SYT16: variants seen among roughly 807,000 people sequenced by gnomAD.
SYT16 encodes the protein synaptotagmin 16.
A neutral mutation model predicts 61.4 loss-of-function variants in SYT16; 42 were observed. The observed-to-expected ratio is 0.68, with a 90% CI of 0.53 to 0.89. The LOEUF (loss-of-function observed/expected upper bound fraction) is 0.89. SYT16 is among the 40% of genes least tolerant of loss of function. The probability of loss-of-function intolerance (pLI) is 0.00; values close to 1 mark genes in which losing one functional copy is unlikely to be tolerated. For missense variants in SYT16, 804 were observed against 807.3 expected (o/e 1.00, Z 0.05); for synonymous variants, 314 against 302.3 (o/e 1.04, Z -0.40).
intron 6 of SYT16, among the ~76,000 whole-genome samples, chr14:62,082,421 C>G (rs1193597741): frequency 6.6e-6 from 1 of 152,140 alleles, no homozygotes; most frequent in African/African-American, 2.4e-5. Flanking sequence ...TTGCTGGGGT[C>G]AAAAATCTCA....
intron 3 of SYT16, among the ~76,000 whole-genome samples, chr14:62,007,020 A>G (rs756895921): frequency 2.6e-5 from 4 of 152,204 alleles, no homozygotes; most frequent in Admixed American, 1.3e-4. Context: ...TTACTCTGCT[A>G]TGCTAATGTA....
chr14:61,960,797 T>C (rs1040881668), intron 1 of SYT16, among the ~76,000 whole-genome samples: 1 of 152,156 alleles, frequency 6.6e-6, no homozygotes, highest in Non-Finnish European at 1.5e-5. Flanking sequence ...GGGGAATGCT[T>C]CCAGGTTTTG....
At chr14:61,947,266 TCGTGTG>T (rs1365718954) in intron 1 of SYT16, among the ~76,000 whole-genome samples, 1 of 52,460 alleles carries the variant, frequency 1.9e-5, no homozygotes, top group Admixed American at 2.2e-4. Flanking sequence ...CTTTAGTCCT[TCGTGTG>T]TGTGTGTGTG....
chr14:61,981,509 A>G (rs1278702237), intron 2 of SYT16, among the ~76,000 whole-genome samples: 3 of 152,220 alleles, frequency 2.0e-5, no homozygotes, highest in Non-Finnish European at 2.9e-5. Context: ...CCATATATCT[A>G]TCACACAGCT....
intron 1 of SYT16, among the ~76,000 whole-genome samples, chr14:61,921,336 C>T (rs1374548806): frequency 2.6e-5 from 4 of 152,166 alleles, no homozygotes; most frequent in Non-Finnish European, 5.9e-5. Flanking sequence ...CTCCATTGTT[C>T]CTTATTGCAA....
At chr14:61,894,942 A>G (rs1299170511) in intron 1 of SYT16, among the ~76,000 whole-genome samples, 1 of 152,206 alleles carries the variant, frequency 6.6e-6, no homozygotes, top group East Asian at 1.9e-4. Context: ...CTGGACCAGG[A>G]GTAGCTGTGG....
At chr14:61,951,874 C>A (rs1214617995) in intron 1 of SYT16, among the ~76,000 whole-genome samples, 1 of 152,162 alleles carries the variant, frequency 6.6e-6, no homozygotes. Context: ...ACTGCAGCCT[C>A]AACCTCCTAG....
chr14:61,843,807 C>T (rs569853061), intron 1 of SYT16, among the ~76,000 whole-genome samples: 1 of 152,134 alleles, frequency 6.6e-6, no homozygotes, highest in Non-Finnish European at 1.5e-5. Flanking sequence ...GTTAGTGCAG[C>T]TCTGTAGCAT....
chr14:61,981,740 C>T (rs187252861), intron 2 of SYT16, among the ~76,000 whole-genome samples: 160 of 152,100 alleles, frequency 1.1e-3, no homozygotes, highest in African/African-American at 3.8e-3. Context: ...GCATTAGGTT[C>T]GAGGTTGGGA....
At chr14:61,947,487 G>A (rs142039174) in intron 1 of SYT16, among the ~76,000 whole-genome samples, 1 of 152,190 alleles carries the variant, frequency 6.6e-6, no homozygotes, top group East Asian at 1.9e-4. Context: ...GAGCCAACAA[G>A]GACACACTAC....
At chr14:62,015,887 A>G (rs2053653387) in intron 3 of SYT16, among the ~76,000 whole-genome samples, 1 of 152,226 alleles carries the variant, frequency 6.6e-6, no homozygotes, top group Non-Finnish European at 1.5e-5. Context: ...AAAATAAGTG[A>G]AAATAAATCG....
chr14:62,030,460 G>A (rs1256665391), intron 3 of SYT16, among the ~76,000 whole-genome samples: 1 of 152,188 alleles, frequency 6.6e-6, no homozygotes, highest in African/African-American at 2.4e-5. Context: ...GGAGACAAGT[G>A]TGGCCTCAAT....
chr14:61,824,335 TA>T (rs540633777), intron 1 of SYT16, among the ~76,000 whole-genome samples: 71 of 152,236 alleles, frequency 4.7e-4, no homozygotes, highest in Admixed American at 1.2e-3. Flanking sequence ...GGCTTATATA[TA>T]ATAAGCATTT....
At chr14:61,919,466 T>A (rs558550180) in intron 1 of SYT16, among the ~76,000 whole-genome samples, 24 of 152,238 alleles carry the variant, frequency 1.6e-4, no homozygotes, top group Non-Finnish European at 2.8e-4. Context: ...TGGCACTTAT[T>A]TCTGGAGGCT....
At position 61,859,075 on chromosome 14, in the gene SYT16, G is replaced by C. The variant is rs113640309; in HGVS notation, c.-325+46265G>C. 3.1e-3 allele frequency among the ~76,000 whole-genome samples: 478 copies of C among 151,898 alleles called. 4 individuals are homozygous for C. Among genetic ancestry groups the C allele is most frequent in the African/African-American group, 0.011 (458 of 41,418 alleles). ...GGGGTTTCACCATGTTAGCCAGGAT[G>C]GTCTTGATCTCCTGACCTCATGATT... On this transcript the variant is annotated intron_variant, in intron 1 of 7. Coordinates refer to ENST00000683842, the MANE Select transcript of SYT16 (RefSeq NM_001367656.1).
rs145973973 is a variant in SYT16 at position 61,931,659 on chromosome 14, G to T, written c.-324-38473G>T. On this transcript the variant is annotated intron_variant, in intron 1 of 7. Transcript: ENST00000683842. ...GTGCCTGTCTCATATTGAACTTTTA[G>T]GTTGTTTCCATTTTTTCCCTATTGT... Among the ~76,000 whole-genome samples the T allele has an allele frequency of 1.4e-4, 21 of 152,192 alleles. No homozygotes were observed. In the East Asian group the frequency reaches 4.0e-3, roughly 29 times the overall value.
chr14:62,086,002 A>G (rs145466835), intron 7 of SYT16, among the ~76,000 whole-genome samples: 173 of 152,240 alleles, frequency 1.1e-3, no homozygotes, highest in African/African-American at 3.7e-3. Context: ...AGATGCAGAG[A>G]ATGATGGGGT....
intron 1 of SYT16, among the ~76,000 whole-genome samples, chr14:61,890,707 G>A (rs1368094836): frequency 6.6e-6 from 1 of 152,148 alleles, no homozygotes; most frequent in Non-Finnish European, 1.5e-5. Context: ...GCGTATGTTA[G>A]TAAATACGTT....
chr14:61,981,192 C>T (rs1421742465), intron 2 of SYT16, among the ~76,000 whole-genome samples: 1 of 152,146 alleles, frequency 6.6e-6, no homozygotes, highest in African/African-American at 2.4e-5. Flanking sequence ...GGCCCACCTA[C>T]ATTATGGAGG....
Sources: allele counts gnomAD v4.1 joint callset (sites outside exome capture counted in the v4.1 genomes callset), GRCh38; gene constraint gnomAD v4.1.1; transcripts MANE v1.5; gene names NCBI Gene and HGNC (gene_info 2026-07-23, HGNC 2026-07-21).